The following NFIB variants were observed in gnomAD, a reference collection of about 807,000 sequenced individuals.
NFIB encodes the protein nuclear factor I B.
Under a neutral mutation model 61.5 loss-of-function variants are expected in NFIB, and 11 were observed. The observed-to-expected ratio is 0.18, with a 90% confidence interval of 0.11 to 0.30. NFIB has a LOEUF of 0.30. NFIB is among the 10% of genes least tolerant of loss of function. NFIB has a pLI of 1.00. For synonymous variants in NFIB, 260 were observed against 216.5 expected, an observed-to-expected ratio of 1.20 and a Z score of -1.76; for missense variants, 471 against 608.9, an observed-to-expected ratio of 0.77 and a Z score of 2.38.
At chr9:14,349,184 T>A (rs2061074113) in intron 1 of NFIB, among the ~76,000 whole-genome samples, 1 of 152,132 alleles carries the variant, frequency 6.6e-6, no homozygotes, top group South Asian at 2.1e-4. Context: ...ATTTGAGCAG[T>A]CTTTGTAGCC....
the NFIB span, among the ~76,000 whole-genome samples, chr9:14,414,776 C>T: frequency 1.3e-5 from 2 of 152,066 alleles, no homozygotes; most frequent in Non-Finnish European, 2.9e-5. Context: ...ATATCTTAAG[C>T]ATGGTCCAAA....
the NFIB span, among the ~76,000 whole-genome samples, chr9:14,487,579 A>T: frequency 6.6e-6 from 1 of 151,498 alleles, no homozygotes; most frequent in East Asian, 1.9e-4. Flanking sequence ...TCTCAAAGAG[A>T]GATGATAACT....
chr9:14,322,458 T>C (rs1029863918), intron 1 of NFIB: 10 of 230,580 alleles, frequency 4.3e-5, no homozygotes, highest in Non-Finnish European at 7.7e-5. Context: ...CGCCCTCGGA[T>C]TGGCCTGGCC....
intron 5 of NFIB, 105 bp downstream of exon 5, chr9:14,150,040 T>G (rs1469623431): frequency 6.8e-7 from 1 of 1,480,420 alleles, no homozygotes; most frequent in East Asian, 2.3e-5. Context: ...CAGCAAAAAT[T>G]ATTTCCCATC....
intron 8 of NFIB, among the ~76,000 whole-genome samples, chr9:14,118,698 T>C (rs2038500625): frequency 6.6e-6 from 1 of 151,980 alleles, no homozygotes; most frequent in Non-Finnish European, 1.5e-5. Flanking sequence ...AGGAAAGGAT[T>C]ATTCTACTTT....
At chr9:14,186,850 A>C (rs75931411) in intron 2 of NFIB, among the ~76,000 whole-genome samples, 2,179 of 152,212 alleles carry the variant, frequency 0.014, 45 homozygotes, top group African/African-American at 0.045. Flanking sequence ...ACAAAATTAT[A>C]GTTCTACATT....
At chr9:14,423,510 A>C in the NFIB span, among the ~76,000 whole-genome samples, 2,486 of 152,212 alleles carry the variant, frequency 0.016, 74 homozygotes, top group African/African-American at 0.057. Context: ...CCTCTTCTCT[A>C]TTTACACAGG....
chr9:14,246,506 C>G (rs2054944508), intron 2 of NFIB, among the ~76,000 whole-genome samples: 1 of 152,224 alleles, frequency 6.6e-6, no homozygotes, highest in African/African-American at 2.4e-5. Context: ...GTGTCCTCCT[C>G]TGAGCCTTCA....
intron 1 of NFIB, among the ~76,000 whole-genome samples, chr9:14,311,935 G>T (rs2060299616): frequency 6.6e-6 from 1 of 152,124 alleles, no homozygotes; most frequent in African/African-American, 2.4e-5. Flanking sequence ...AATATTAATG[G>T]TAACTTTTAC....
chr9:14,496,236 A>G, the NFIB span, among the ~76,000 whole-genome samples: 1 of 152,176 alleles, frequency 6.6e-6, no homozygotes, highest in Non-Finnish European at 1.5e-5. Context: ...CATCTTGGGG[A>G]TGGAACCCAT....
intron 2 of NFIB, among the ~76,000 whole-genome samples, chr9:14,245,826 T>G (rs2054860602): frequency 6.6e-6 from 1 of 152,016 alleles, no homozygotes; most frequent in East Asian, 1.9e-4. Context: ...TGAGCCGAGA[T>G]CGCACCACTG....
At chr9:14,276,530 G>A (rs930185559) in intron 2 of NFIB, among the ~76,000 whole-genome samples, 4 of 152,008 alleles carry the variant, frequency 2.6e-5, no homozygotes, top group Non-Finnish European at 5.9e-5. Context: ...AAGGTACAAC[G>A]CCAAAGGCAT....
chr9:14,257,743 G>A (rs546519925), intron 2 of NFIB, among the ~76,000 whole-genome samples: 23 of 152,096 alleles, frequency 1.5e-4, no homozygotes, highest in South Asian at 4.2e-4. Flanking sequence ...GCGACAGAGC[G>A]AGACTCCATC....
chr9:14,088,140 CCTTTTT>C lies in NFIB; in HGVS notation c.*163_*168del. On this transcript the variant is annotated 3_prime_UTR_variant, in exon 11 of 11. Transcript: ENST00000380953. The stretch of plus-strand genomic sequence containing the variant: ...TTGTTTTGTCCAGTCTTCCTCTTTT[CCTTTTT>C]TTTTATTTAAAAAAAAAATTTCTTA... The C allele has an allele frequency of 3.6e-6, 5 of 1,377,038 alleles. No homozygotes were observed. In the South Asian group the frequency reaches 8.4e-5, roughly 23 times the overall value. The allele number at this position is 1,377,038 out of a possible 1,614,324, so 85.3% of individuals were successfully genotyped here.
At chr9:14,354,959 G>C (rs1033755143) in intron 1 of NFIB, among the ~76,000 whole-genome samples, 7 of 152,068 alleles carry the variant, frequency 4.6e-5, no homozygotes, top group African/African-American at 1.4e-4. Flanking sequence ...CTCTAAATGA[G>C]AGAAGCGAAC....
chr9:14,225,254 A>T (rs183464944), intron 2 of NFIB, among the ~76,000 whole-genome samples: 12 of 152,190 alleles, frequency 7.9e-5, no homozygotes, highest in Admixed American at 6.5e-5. Context: ...GCTATAAAAA[A>T]ATATATAAAT....
At position 14,274,866 on chromosome 9, in the gene NFIB, G is replaced by A. The variant is rs568651216; in HGVS notation, c.562+32123C>T. Among the ~76,000 whole-genome samples the A allele has an allele frequency of 2.0e-5, 3 of 152,320 alleles. No individual in the cohort carries two copies. In the East Asian group the frequency reaches 5.8e-4, roughly 29 times the overall value. ...TCAGAACCAGAGAAGAGGTGGTGGAGTTCTGTTTGCCAGTTAGCTAAATTA... is the reference window on the plus strand; with the variant it reads ...TCAGAACCAGAGAAGAGGTGGTGGAATTCTGTTTGCCAGTTAGCTAAATTA... On this transcript the variant is annotated intron_variant, in intron 2 of 10. Coordinates refer to ENST00000380953, the MANE Select transcript of NFIB (RefSeq NM_001190737.2).
At chr9:14,146,921 T>A in intron 5 of NFIB, 114 bp from the exon 6 acceptor site, 1 of 1,333,174 alleles carries the variant, frequency 7.5e-7, no homozygotes, top group Non-Finnish European at 1.0e-6. Context: ...GCACAAGTAA[T>A]AATGGTGAGT....
At chr9:14,449,060 G>T in the NFIB span, among the ~76,000 whole-genome samples, 1 of 152,152 alleles carries the variant, frequency 6.6e-6, no homozygotes, top group Admixed American at 6.5e-5. Flanking sequence ...GAAACTTTAA[G>T]TTCCTGAAAA....
Sources: allele counts gnomAD v4.1 joint callset (sites outside exome capture counted in the v4.1 genomes callset), GRCh38; gene constraint gnomAD v4.1.1; transcripts MANE v1.5; gene names NCBI Gene and HGNC (gene_info 2026-07-23, HGNC 2026-07-21).